The following GPATCH8 variants were observed in gnomAD, a reference collection of about 807,000 sequenced individuals.
The protein encoded by GPATCH8 is G patch domain-containing protein 8.
Under a neutral mutation model 118.3 loss-of-function variants are expected in GPATCH8, and 18 were observed. That is an observed-to-expected ratio of 0.15 (90% CI 0.11 to 0.23). The LOEUF is 0.23. GPATCH8 is among the 10% of genes least tolerant of loss of function. The pLI, the probability that GPATCH8 is intolerant of heterozygous loss-of-function variation, is 1.00. For missense variants in GPATCH8, 1,631 were observed against 1,873.8 expected, an observed-to-expected ratio of 0.87 and a Z score of 2.39; for synonymous variants, 659 against 684.7, an observed-to-expected ratio of 0.96 and a Z score of 0.59.
At chr17:44,450,841 G>C (rs1028266047) in intron 3 of GPATCH8, among the ~76,000 whole-genome samples, 1 of 152,116 alleles carries the variant, frequency 6.6e-6, no homozygotes, top group African/African-American at 2.4e-5. Context: ...CTATCAGCAA[G>C]TATAGATGCA....
intron 3 of GPATCH8, among the ~76,000 whole-genome samples, chr17:44,449,661 C>T (rs1393807671): frequency 1.3e-5 from 2 of 152,034 alleles, no homozygotes; most frequent in Non-Finnish European, 2.9e-5. Context: ...GGATTACAGG[C>T]ATGCACCACA....
chr17:44,461,982 A>C (rs930258694), intron 3 of GPATCH8, among the ~76,000 whole-genome samples: 2 of 152,126 alleles, frequency 1.3e-5, no homozygotes, highest in African/African-American at 4.8e-5. Flanking sequence ...TTACAGGCAT[A>C]AGCCACAGCA....
intron 4 of GPATCH8, 92 bp from the exon 5 acceptor site, chr17:44,435,243 G>GA: frequency 1.4e-6 from 1 of 709,740 alleles, no homozygotes; most frequent in East Asian, 2.6e-5. Flanking sequence ...AGTATTATCT[G>GA]AAAACAAAAA....
rs182031829 is a variant in GPATCH8, at chr17:44,458,150, C to T, written c.193+6322G>A. On this transcript the variant is annotated intron_variant, in intron 3 of 7. Coordinates refer to ENST00000591680, the MANE Select transcript of GPATCH8 (RefSeq NM_001002909.4). Reference sequence around the variant, plus strand: ...CCTGTAGTCCCCACTACTCATGGGTCTAAGGCAGGAGGATCACTTGAGCCC... The same window carrying T: ...CCTGTAGTCCCCACTACTCATGGGTTTAAGGCAGGAGGATCACTTGAGCCC... Among the ~76,000 whole-genome samples the T allele has an allele frequency of 2.7e-5, 4 of 149,554 alleles. No homozygotes were observed. The East Asian group carries it at 8.1e-4, about 30-fold the overall frequency.
Position 44,400,904 on chromosome 17 carries a change from A to G in GPATCH8, c.1173T>C (p.Pro391=). 1 of 1,614,114 alleles carries G rather than the reference A, an allele frequency of 6.2e-7. No individual in the cohort carries two copies. The highest frequency in any genetic ancestry group is 1.3e-5 in the African/African-American group (1 of 75,066). The change falls in exon 8 of 8, where the codon CCT becomes CCC. Residue 391 remains proline (P), a synonymous_variant. Transcript: ENST00000591680. ...CTGGGGGGATGTAGTGGTAATACTC[A>G]GGCTCTGTAGCCCCAGCTCCTTCTT... ...KREEGAGATE[P]EYYHYIPPAH...
chr17:44,492,221 A>T (rs554041506), intron 1 of GPATCH8, among the ~76,000 whole-genome samples: 3 of 144,532 alleles, frequency 2.1e-5, no homozygotes, highest in African/African-American at 7.6e-5. Context: ...GAATGGCGAG[A>T]ACCTGGGAGG....
chr17:44,432,377 T>C lies in GPATCH8; in HGVS notation c.348+2688A>G, dbSNP rs1050933298. Among the ~76,000 whole-genome samples the C allele has an allele frequency of 2.0e-5, 3 of 152,098 alleles. No homozygotes were observed. In the East Asian group the frequency reaches 5.8e-4, roughly 29 times the overall value. On this transcript the variant is annotated intron_variant, in intron 5 of 7. Coordinates refer to ENST00000591680, the MANE Select transcript of GPATCH8 (RefSeq NM_001002909.4). ...CTAAAAACATACGGGAAGGCAGAGATACGACAAGGGTAGTTAAGGAAAGAT... is the reference window on the plus strand; with the variant it reads ...CTAAAAACATACGGGAAGGCAGAGACACGACAAGGGTAGTTAAGGAAAGAT...
intron 6 of GPATCH8, among the ~76,000 whole-genome samples, chr17:44,421,831 A>G (rs538187153): frequency 2.0e-4 from 30 of 151,890 alleles, no homozygotes; most frequent in Middle Eastern, 3.4e-3. Context: ...GGTTCAGGCA[A>G]TTCTCGTGCC....
intron 3 of GPATCH8, among the ~76,000 whole-genome samples, chr17:44,458,851 G>A (rs2051440827): frequency 6.6e-6 from 1 of 152,100 alleles, no homozygotes; most frequent in Admixed American, 6.6e-5. Flanking sequence ...GGGCTTCTAA[G>A]TTTTGGGTTA....
At chr17:44,468,521 G>A (rs951895118) in intron 2 of GPATCH8, among the ~76,000 whole-genome samples, 2 of 151,078 alleles carry the variant, frequency 1.3e-5, no homozygotes, top group African/African-American at 4.9e-5. Flanking sequence ...CCAAAGTGCT[G>A]GGATTACAGG....
chr17:44,503,356 G>A lies in GPATCH8; in HGVS notation c.15C>T (p.Phe5=). 1 of 1,610,256 alleles carries A rather than the reference G, an allele frequency of 6.2e-7. No homozygotes were observed. Among genetic ancestry groups the A allele is most frequent in the Non-Finnish European group, 8.5e-7 (1 of 1,178,570 alleles). ...AGTCTCGGTCTTCGTTGAAGCGGGAGAAGCGGTCCGCCATTTTGCCGCCTT... is the reference window on the plus strand; with the variant it reads ...AGTCTCGGTCTTCGTTGAAGCGGGAAAAGCGGTCCGCCATTTTGCCGCCTT... The part of the protein sequence containing the change: MADR[F]SRFNEDRDFQ... The change falls in exon 1 of 8, where the codon TTC becomes TTT. Residue 5 remains phenylalanine, a synonymous_variant. Coordinates refer to ENST00000591680, the MANE Select transcript of GPATCH8 (RefSeq NM_001002909.4).
intron 6 of GPATCH8, among the ~76,000 whole-genome samples, chr17:44,422,692 G>A (rs917815882): frequency 2.6e-5 from 4 of 151,218 alleles, no homozygotes; most frequent in African/African-American, 7.3e-5. Flanking sequence ...GGGTTTCACC[G>A]TGGTCTTGAT....
chr17:44,498,742 G>C (rs538900069), intron 1 of GPATCH8, among the ~76,000 whole-genome samples: 24 of 152,314 alleles, frequency 1.6e-4, no homozygotes, highest in African/African-American at 5.8e-4. Context: ...TTCACAGCTT[G>C]TGGCATTTCT....
intron 7 of GPATCH8, among the ~76,000 whole-genome samples, chr17:44,404,503 G>T (rs1459623207): frequency 6.6e-6 from 1 of 152,004 alleles, no homozygotes; most frequent in Non-Finnish European, 1.5e-5. Flanking sequence ...ATAATTTATT[G>T]ATTTATTGAG....
chr17:44,472,883 A>G (rs993860228), intron 2 of GPATCH8, among the ~76,000 whole-genome samples: 5 of 151,428 alleles, frequency 3.3e-5, no homozygotes, highest in Admixed American at 3.3e-4. Flanking sequence ...TTTAGTAGAG[A>G]CAGGGTTTCA....
At chr17:44,402,697 G>C in intron 7 of GPATCH8, among the ~76,000 whole-genome samples, 1 of 152,120 alleles carries the variant, frequency 6.6e-6, no homozygotes, top group Non-Finnish European at 1.5e-5. Flanking sequence ...GTTAAACATA[G>C]AAACTTCCAC....
At chr17:44,501,151 G>T (rs1970030325) in intron 1 of GPATCH8, among the ~76,000 whole-genome samples, 2 of 152,158 alleles carry the variant, frequency 1.3e-5, no homozygotes, top group South Asian at 4.1e-4. Flanking sequence ...CAGGCGCGAT[G>T]GCTCACACCT....
chr17:44,470,800 G>C (rs1463082598), intron 2 of GPATCH8, among the ~76,000 whole-genome samples: 1 of 152,170 alleles, frequency 6.6e-6, no homozygotes, highest in East Asian at 1.9e-4. Context: ...GAGCCCCTGC[G>C]CCCAATTCCT....
chr17:44,465,458 A>G (rs1036679049), intron 2 of GPATCH8: 2 of 152,198 alleles, frequency 1.3e-5, no homozygotes, highest in Non-Finnish European at 2.9e-5. Flanking sequence ...AAGGTATTGG[A>G]AACATCTGCA....
Sources: allele counts gnomAD v4.1 joint callset (sites outside exome capture counted in the v4.1 genomes callset), GRCh38; gene constraint gnomAD v4.1.1; transcripts MANE v1.5; gene names NCBI Gene and HGNC (gene_info 2026-07-23, HGNC 2026-07-21).